Variants in ESRRG observed in about 807,000 individuals in gnomAD.
ESRRG encodes estrogen-related receptor gamma.
ESRRG carries 13 observed loss-of-function variants against 44.0 expected under a neutral mutation model. The ratio of observed to expected loss-of-function variants is 0.30; its 90% confidence interval spans 0.19 to 0.47. ESRRG has a LOEUF of 0.47. Ranked by LOEUF, ESRRG falls within the 20% of genes least tolerant of loss-of-function variation. The pLI is 1.00. For synonymous variants in ESRRG, 215 were observed against 214.6 expected (o/e 1.00, Z -0.02); for missense variants, 395 against 580.6 (o/e 0.68, Z 3.29).
At chr1:216,974,983 G>A (rs2072564824) in intron 1 of ESRRG, among the ~76,000 whole-genome samples, 1 of 151,854 alleles carries the variant, frequency 6.6e-6, no homozygotes, top group Non-Finnish European at 1.5e-5. Flanking sequence ...GCAAATATAG[G>A]ATTTAAGCAT....
At chr1:216,851,488 C>T (rs1430243509) in intron 2 of ESRRG, among the ~76,000 whole-genome samples, 1 of 151,910 alleles carries the variant, frequency 6.6e-6, no homozygotes, top group East Asian at 1.9e-4. Flanking sequence ...GTGGAGCCCT[C>T]ATGGATGAGA....
Position 217,039,450 on chromosome 1 carries a change from G to A in ESRRG, c.-106+50057C>T, listed in dbSNP as rs141842826. 4.3e-3 allele frequency among the ~76,000 whole-genome samples: 651 copies of A among 152,286 alleles called. 7 individuals are homozygous for A. The highest frequency in any genetic ancestry group is 6.5e-3 in the Non-Finnish European group (442 of 68,026). On this transcript the variant is annotated intron_variant, in intron 1 of 7. Coordinates refer to the ESRRG transcript ENST00000359162. ...CCTCACAATCATGGCATAAGGCAAG[G>A]AGGAGCAAGTCACATCTTATGTGGA...
chr1:216,779,853 C>G (rs1281546840), intron 2 of ESRRG, among the ~76,000 whole-genome samples: 2 of 151,580 alleles, frequency 1.3e-5, no homozygotes, highest in African/African-American at 4.9e-5. Context: ...GCTTATCTCT[C>G]TGACACTCAG....
intron 2 of ESRRG, among the ~76,000 whole-genome samples, chr1:216,786,710 A>G (rs1174960462): frequency 1.3e-5 from 2 of 152,148 alleles, no homozygotes; most frequent in East Asian, 3.9e-4. Flanking sequence ...CTTTGCACTA[A>G]TATCATCAAA....
At chr1:216,685,411 G>C (rs999318510) in intron 1 of ESRRG, among the ~76,000 whole-genome samples, 1 of 152,132 alleles carries the variant, frequency 6.6e-6, no homozygotes, top group East Asian at 1.9e-4. Flanking sequence ...CAAATCTCTG[G>C]TCTTTCAAAC....
chr1:216,649,619 T>A (rs1395152680), intron 3 of ESRRG, among the ~76,000 whole-genome samples: 1 of 152,118 alleles, frequency 6.6e-6, no homozygotes, highest in Admixed American at 6.6e-5. Flanking sequence ...ATCTTGGTCA[T>A]CTTTTTATAA....
intron 1 of ESRRG, among the ~76,000 whole-genome samples, chr1:216,707,767 A>C (rs1359355188): frequency 6.6e-6 from 1 of 152,242 alleles, no homozygotes; most frequent in African/African-American, 2.4e-5. Context: ...TGAGAGCTTT[A>C]ATGATTTTAA....
intron 2 of ESRRG, among the ~76,000 whole-genome samples, chr1:216,756,118 A>G (rs1266967417): frequency 6.6e-6 from 1 of 152,060 alleles, no homozygotes; most frequent in African/African-American, 2.4e-5. Context: ...CATCTGAAAA[A>G]TGTAGATAGC....
intron 2 of ESRRG, among the ~76,000 whole-genome samples, chr1:216,907,007 G>A (rs1033429220): frequency 6.6e-6 from 1 of 152,208 alleles, no homozygotes; most frequent in Non-Finnish European, 1.5e-5. Context: ...TGGTGGGGAT[G>A]TGTGTGGACA....
Position 216,930,661 on chromosome 1 carries a change from AC to A in ESRRG, c.-14+8920del, listed in dbSNP as rs145307463. The stretch of plus-strand genomic sequence containing the variant: ...AGTTAAGAACCTGTAGAAATACAGT[AC>A]TATAATACATTGTTGTTTCAGCATG... On this transcript the variant is annotated intron_variant, in intron 2 of 7. Transcript: ENST00000359162. Among the ~76,000 whole-genome samples, 903 of 152,356 alleles carry A rather than the reference AC, an allele frequency of 5.9e-3. 6 individuals carry two copies. Among genetic ancestry groups the A allele is most frequent in the African/African-American group, 0.02 (849 of 41,578 alleles).
chr1:216,932,221 TA>T (rs1455815467), intron 2 of ESRRG, among the ~76,000 whole-genome samples: 1 of 151,550 alleles, frequency 6.6e-6, no homozygotes, highest in Non-Finnish European at 1.5e-5. Context: ...GAAAAAAAGG[TA>T]AAAATAAAAT....
chr1:216,946,247 C>A (rs919766127), intron 1 of ESRRG, among the ~76,000 whole-genome samples: 1 of 152,278 alleles, frequency 6.6e-6, no homozygotes, highest in Admixed American at 6.5e-5. Context: ...CTTCATGATG[C>A]TATCAGAACC....
chr1:217,021,866 G>C (rs2080379259), intron 1 of ESRRG, among the ~76,000 whole-genome samples: 1 of 152,142 alleles, frequency 6.6e-6, no homozygotes, highest in Non-Finnish European at 1.5e-5. Context: ...TCTTCTAAGT[G>C]AGGGCCTGGG....
intron 3 of ESRRG, among the ~76,000 whole-genome samples, chr1:216,606,109 G>A: frequency 6.6e-6 from 1 of 152,178 alleles, no homozygotes; most frequent in East Asian, 1.9e-4. Context: ...AGCAAAGGCA[G>A]CAGCTAGGTT....
intron 1 of ESRRG, among the ~76,000 whole-genome samples, chr1:217,005,534 G>A (rs2077622000): frequency 6.6e-6 from 1 of 152,106 alleles, no homozygotes; most frequent in Non-Finnish European, 1.5e-5. Context: ...AAACAGATAG[G>A]ACAACTAATA....
chr1:217,015,141 T>A (rs2079156293), intron 1 of ESRRG, among the ~76,000 whole-genome samples: 1 of 152,198 alleles, frequency 6.6e-6, no homozygotes, highest in Non-Finnish European at 1.5e-5. Flanking sequence ...CTACTCCACA[T>A]ACCCACACAG....
chr1:217,049,401 T>C (rs2085487453), intron 1 of ESRRG, among the ~76,000 whole-genome samples: 1 of 152,186 alleles, frequency 6.6e-6, no homozygotes, highest in Non-Finnish European at 1.5e-5. Flanking sequence ...CATTTGGTAA[T>C]TGCTGACTTA....
intron 1 of ESRRG, among the ~76,000 whole-genome samples, chr1:217,101,189 G>A (rs1440740887): frequency 2.0e-5 from 3 of 152,174 alleles, no homozygotes; most frequent in East Asian, 3.9e-4. Context: ...AGAATAAGGA[G>A]CACATGCTCC....
intron 2 of ESRRG, among the ~76,000 whole-genome samples, chr1:216,791,672 T>A (rs1032673739): frequency 2.0e-5 from 3 of 152,212 alleles, no homozygotes; most frequent in Non-Finnish European, 4.4e-5. Flanking sequence ...ATTCACTTTA[T>A]AAGTAAGAAC....
Sources: allele counts gnomAD v4.1 joint callset (sites outside exome capture counted in the v4.1 genomes callset), GRCh38; gene constraint gnomAD v4.1.1; transcripts MANE v1.5; gene names NCBI Gene and HGNC (gene_info 2026-07-23, HGNC 2026-07-21).